MARCHF1: variants seen among roughly 807,000 people sequenced by gnomAD.
The protein encoded by MARCHF1 is membrane associated ring-CH-type finger 1.
MARCHF1 carries 40 observed loss-of-function variants against 54.2 expected under a neutral mutation model. That is an observed-to-expected ratio of 0.74 (90% CI 0.57 to 0.96). The LOEUF is 0.96. Ranked by LOEUF, MARCHF1 falls within the 40% of genes least tolerant of loss-of-function variation. The pLI, the probability that MARCHF1 is intolerant of heterozygous loss-of-function variation, is 0.00. For missense variants in MARCHF1, 586 were observed against 656.5 expected (o/e 0.89, Z 1.17); for synonymous variants, 236 against 236.3 (o/e 1.00, Z 0.01).
chr4:164,265,584 T>A (rs142211532), intron 1 of MARCHF1, among the ~76,000 whole-genome samples: 6,235 of 151,084 alleles, frequency 0.041, 150 homozygotes, highest in East Asian at 0.11. Context: ...ACTTTCTGCT[T>A]ATGACTCAAT....
At position 163,876,326 on chromosome 4, in the gene MARCHF1, C is replaced by T. The variant is rs182615165; in HGVS notation, c.-38-22157G>A. Among the ~76,000 whole-genome samples, 16 of 152,216 alleles carry T rather than the reference C, an allele frequency of 1.1e-4. No individual in the cohort carries two copies. In the East Asian group the frequency reaches 2.7e-3, roughly 26 times the overall value. On this transcript the variant is annotated intron_variant, in intron 3 of 9. Transcript: ENST00000514618. ...TTATTCTTTAGACCTCCCATCCCCT[C>T]GGATTCCTAAAATAGAGACTTGGAT...
intron 1 of MARCHF1, among the ~76,000 whole-genome samples, chr4:164,183,334 T>A (rs1054723438): frequency 6.6e-6 from 1 of 152,194 alleles, no homozygotes; most frequent in Non-Finnish European, 1.5e-5. Flanking sequence ...TTGAGAATTA[T>A]CTGTTCAAAT....
At chr4:164,172,438 T>C (rs1730551205) in intron 1 of MARCHF1, among the ~76,000 whole-genome samples, 1 of 152,112 alleles carries the variant, frequency 6.6e-6, no homozygotes, top group Non-Finnish European at 1.5e-5. Flanking sequence ...GACGATGTTA[T>C]AAAATATTAA....
Position 164,102,973 on chromosome 4 carries a change from T to C in MARCHF1, c.-248+8615A>G, listed in dbSNP as rs992232895. ...AGGCAGGGGTTGCAAACCTAGTCTC[T>C]GATAAAACAGACTTTAAACCAACAA... On this transcript the variant is annotated intron_variant, in intron 2 of 9. Coordinates refer to ENST00000514618, the MANE Select transcript of MARCHF1 (RefSeq NM_001394959.1). Among the ~76,000 whole-genome samples, 104 of 129,614 alleles carry C rather than the reference T, an allele frequency of 8.0e-4. 1 individual carries two copies. The highest frequency in any genetic ancestry group is 2.9e-3 in the African/African-American group (96 of 32,968). 85.0% of individuals were successfully genotyped at this position (129,614 alleles called of 152,430 possible).
At chr4:163,607,118 T>C (rs1741170578) in intron 7 of MARCHF1, among the ~76,000 whole-genome samples, 4 of 152,110 alleles carry the variant, frequency 2.6e-5, no homozygotes, top group Admixed American at 2.6e-4. Flanking sequence ...ACATTGTTTC[T>C]GGAGTTCCTG....
chr4:164,334,481 G>T (rs1729675289), intron 1 of MARCHF1, among the ~76,000 whole-genome samples: 1 of 151,852 alleles, frequency 6.6e-6, no homozygotes, highest in South Asian at 2.1e-4. Flanking sequence ...TTTACAGAAT[G>T]GTTTACTAAA....
At chr4:163,533,538 C>T (rs1220698850) in intron 9 of MARCHF1, among the ~76,000 whole-genome samples, 2 of 151,794 alleles carry the variant, frequency 1.3e-5, no homozygotes, top group Non-Finnish European at 2.9e-5. Flanking sequence ...TCAGTGGTAA[C>T]AAATGTACCA....
intron 1 of MARCHF1, among the ~76,000 whole-genome samples, chr4:164,346,177 A>C (rs4594677): frequency 0.43 from 65,865 of 151,988 alleles, 15,003 homozygotes; most frequent in Non-Finnish European, 0.5. Flanking sequence ...TAAATGAGTT[A>C]AACAGAACTA....
chr4:163,923,108 G>A (rs1006558557), intron 3 of MARCHF1, among the ~76,000 whole-genome samples: 4 of 152,086 alleles, frequency 2.6e-5, no homozygotes, highest in South Asian at 2.1e-4. Context: ...GCACACTTAC[G>A]GTGATCCAGG....
At chr4:164,370,730 G>A (rs993411229) in intron 1 of MARCHF1, among the ~76,000 whole-genome samples, 3 of 152,088 alleles carry the variant, frequency 2.0e-5, no homozygotes, top group African/African-American at 2.4e-5. Flanking sequence ...CCAACACGGC[G>A]AAACTCGATC....
intron 2 of MARCHF1, among the ~76,000 whole-genome samples, chr4:164,046,201 A>C (rs1425510724): frequency 6.6e-6 from 1 of 152,264 alleles, no homozygotes; most frequent in East Asian, 1.9e-4. Context: ...TTTGCCCAAG[A>C]GGGACACATT....
At chr4:164,068,516 G>A (rs555442040) in intron 2 of MARCHF1, among the ~76,000 whole-genome samples, 4 of 152,272 alleles carry the variant, frequency 2.6e-5, no homozygotes, top group Non-Finnish European at 4.4e-5. Flanking sequence ...CGCCGGCCCC[G>A]AGCAGTGAGG....
chr4:163,936,281 A>G (rs1751793005), intron 3 of MARCHF1, among the ~76,000 whole-genome samples: 1 of 152,238 alleles, frequency 6.6e-6, no homozygotes, highest in South Asian at 2.1e-4. Flanking sequence ...AAAATGTAAC[A>G]GAGACTTGAA....
chr4:164,267,169 A>G (rs539271714), intron 1 of MARCHF1, among the ~76,000 whole-genome samples: 11 of 152,306 alleles, frequency 7.2e-5, no homozygotes, highest in African/African-American at 2.6e-4. Context: ...AAAAGATAGC[A>G]CATTTGAAGG....
At chr4:164,347,918 A>G (rs980784097) in intron 1 of MARCHF1, among the ~76,000 whole-genome samples, 6 of 152,178 alleles carry the variant, frequency 3.9e-5, no homozygotes, top group African/African-American at 1.2e-4. Context: ...TCATTTTGTC[A>G]GTATATAGCA....
At chr4:164,197,742 G>T in intron 1 of MARCHF1, 1 of 1,610,778 alleles carries the variant, frequency 6.2e-7, no homozygotes. Context: ...AGAGGCTCTC[G>T]TGCCAGCCGA....
intron 3 of MARCHF1, among the ~76,000 whole-genome samples, chr4:163,926,292 C>T (rs1751536283): frequency 1.3e-5 from 2 of 151,676 alleles, no homozygotes; most frequent in Admixed American, 1.3e-4. Flanking sequence ...ACTTAATGTA[C>T]TGTAAGATTC....
intron 5 of MARCHF1, among the ~76,000 whole-genome samples, chr4:163,683,033 T>C (rs1389072710): frequency 6.6e-6 from 1 of 152,194 alleles, no homozygotes; most frequent in African/African-American, 2.4e-5. Flanking sequence ...TTTTGACAAA[T>C]AGAAGTATAA....
rs528724019 is a variant in MARCHF1, at chr4:163,981,442, A to G, written c.-39+7059T>C. On this transcript the variant is annotated intron_variant, in intron 3 of 9. Transcript: ENST00000514618. ...TTCACTCCTTTAAGAGCAGAATCCT[A>G]TCACCAGTTCTACCCCCATGTCATG... 2.6e-5 allele frequency among the ~76,000 whole-genome samples: 4 copies of G among 152,298 alleles called. No homozygotes were observed. In the East Asian group the frequency reaches 5.8e-4, roughly 22 times the overall value.
Sources: allele counts gnomAD v4.1 joint callset (sites outside exome capture counted in the v4.1 genomes callset), GRCh38; gene constraint gnomAD v4.1.1; transcripts MANE v1.5; gene names NCBI Gene and HGNC (gene_info 2026-07-23, HGNC 2026-07-21).